Variants in TARS1 observed in about 807,000 individuals in gnomAD.
TARS1 encodes the protein threonine--tRNA ligase 1, cytoplasmic.
TARS1 carries 57 observed loss-of-function variants against 97.7 expected under a neutral mutation model. The ratio of observed to expected loss-of-function variants is 0.58; its 90% confidence interval spans 0.47 to 0.73. The LOEUF (loss-of-function observed/expected upper bound fraction) is 0.73, where lower values mean the gene tolerates loss of function less well. Among genes scored for constraint, TARS1 ranks in the 30% least tolerant of loss-of-function variants. The probability of loss-of-function intolerance (pLI) is 0.00; values close to 1 mark genes in which losing one functional copy is unlikely to be tolerated. For missense variants in TARS1, 806 were observed against 888.3 expected (o/e 0.91, Z 1.18); for synonymous variants, 312 against 293.7 (o/e 1.06, Z -0.64).
intron 4 of TARS1, 141 bp downstream of exon 4, chr5:33,453,553 C>A: frequency 2.6e-6 from 3 of 1,139,770 alleles, no homozygotes; most frequent in Non-Finnish European, 3.7e-6. Context: ...TTTTGTCCTT[C>A]ATTTAGGGAA....
intron 2 of TARS1, 75 bp downstream of exon 2, chr5:33,445,479 A>T (rs1741368446): frequency 7.9e-7 from 1 of 1,271,794 alleles, no homozygotes; most frequent in East Asian, 2.4e-5. Flanking sequence ...GACTTTCCTA[A>T]TGTGTAAGGG....
rs778164848 is a variant in TARS1 at position 33,456,236 on chromosome 5, T to C, written c.837+9T>C. ...CTTTAAAAATACACAAAGTAAGTAATGTAACTTTAAAGACTGTGAATGTAT... is the reference window on the plus strand; with the variant it reads ...CTTTAAAAATACACAAAGTAAGTAACGTAACTTTAAAGACTGTGAATGTAT... On this transcript the variant is annotated intron_variant, in intron 8 of 18. Transcript: ENST00000265112. 2.5e-6 allele frequency: 4 copies of C among 1,600,146 alleles called. No homozygotes were observed. In the East Asian group the frequency reaches 6.7e-5, roughly 27 times the overall value.
intron 5 of TARS1, 118 bp downstream of exon 5, chr5:33,455,184 T>C: frequency 7.6e-7 from 1 of 1,307,642 alleles, no homozygotes; most frequent in South Asian, 1.4e-5. Context: ...TCATCAGGTA[T>C]GCCCATTATC....
In TARS1 at chr5:33,467,773, G is replaced by A. The variant is rs1160427660; in HGVS notation, c.*65G>A. The A allele has an allele frequency of 6.5e-7, 1 of 1,534,284 alleles. No homozygotes were observed. The highest frequency in any genetic ancestry group is 1.4e-5 in the African/African-American group (1 of 71,690). On this transcript the variant is annotated 3_prime_UTR_variant, in exon 19 of 19. Coordinates refer to ENST00000265112, the MANE Select transcript of TARS1 (RefSeq NM_152295.5). ...ACAGCGTTTCCGTAAAATTGACTTT[G>A]TACTCTGAAAACGTCAATTTATATT...
rs902676458 is a variant in TARS1 at position 33,463,941 on chromosome 5, A to G, written c.1908+116A>G. 5 of 880,594 alleles carry G rather than the reference A, an allele frequency of 5.7e-6. No individual in the cohort carries two copies. The African/African-American group carries it at 8.4e-5, about 15-fold the overall frequency. 54.5% of individuals were successfully genotyped at this position (880,594 alleles called of 1,614,324 possible). ...TGTTGTGATAAAGAGAAATGTTACTATTTTTAATCTTTGTTAAGCCTGAAT... is the reference window on the plus strand; with the variant it reads ...TGTTGTGATAAAGAGAAATGTTACTGTTTTTAATCTTTGTTAAGCCTGAAT... On this transcript the variant is annotated intron_variant, in intron 17 of 18. Transcript: ENST00000265112.
chr5:33,457,014 G>A (rs550307686), intron 8 of TARS1, among the ~76,000 whole-genome samples: 2 of 152,178 alleles, frequency 1.3e-5, no homozygotes, highest in South Asian at 2.1e-4. Context: ...TCCCAGGCTG[G>A]TCTCGAACTC....
At chr5:33,456,969 T>C (rs1742046224) in intron 8 of TARS1, among the ~76,000 whole-genome samples, 1 of 152,034 alleles carries the variant, frequency 6.6e-6, no homozygotes, top group African/African-American at 2.4e-5. Flanking sequence ...GGTAATTTTC[T>C]TTTTTTTAAA....
rs142401360 is a variant in TARS1, at chr5:33,447,293, T to C, written c.139-1248T>C. Among the ~76,000 whole-genome samples the C allele has an allele frequency of 3.9e-3, 588 of 152,300 alleles. 16 individuals are homozygous for C. In the East Asian group the frequency reaches 0.056, roughly 15 times the overall value. ...ACAAGGTCTCACTCTGTTGCCCAGG[T>C]TGGAGTGCAGTGGCCCAATCTTGGC... is the stretch of plus-strand genomic sequence containing the variant. On this transcript the variant is annotated intron_variant, in intron 2 of 18. Coordinates refer to ENST00000265112, the MANE Select transcript of TARS1 (RefSeq NM_152295.5).
intron 14 of TARS1, 48 bp downstream of exon 14, chr5:33,461,792 A>C: frequency 6.2e-7 from 1 of 1,601,518 alleles, no homozygotes; most frequent in African/African-American, 1.3e-5. Flanking sequence ...CTTGTGGATG[A>C]AGAAGATACG....
chr5:33,448,441 C>A, intron 2 of TARS1, 100 bp from the exon 3 acceptor site: 1 of 1,026,550 alleles, frequency 9.7e-7, no homozygotes, highest in Non-Finnish European at 1.4e-6. Flanking sequence ...AATCAATAGT[C>A]CTGGGTTTCT....
chr5:33,441,239 C>T, intron 1 of TARS1, 96 bp downstream of exon 1: 3 of 1,472,142 alleles, frequency 2.0e-6, no homozygotes, highest in Non-Finnish European at 2.8e-6. Context: ...AAGCAGGAAG[C>T]GGCCGGGACC....
At chr5:33,460,030 T>A in intron 11 of TARS1, 169 bp downstream of exon 11, 11 of 379,208 alleles carry the variant, frequency 2.9e-5, no homozygotes, top group South Asian at 6.9e-5. Context: ...GATCCCCACT[T>A]TTTTTTTTTT....
chr5:33,450,263 A>G lies in TARS1; in HGVS notation c.329+1532A>G, dbSNP rs183976786. 3.3e-5 allele frequency among the ~76,000 whole-genome samples: 5 copies of G among 152,340 alleles called. No individual in the cohort carries two copies. In the East Asian group the frequency reaches 9.6e-4, roughly 29 times the overall value. On this transcript the variant is annotated intron_variant, in intron 3 of 18. Coordinates refer to ENST00000265112, the MANE Select transcript of TARS1 (RefSeq NM_152295.5). ...GAATTGAACCATTTGGAATCACCATATGAATTGTCATGTGGTTGATTATCA... is the reference window on the plus strand; with the variant it reads ...GAATTGAACCATTTGGAATCACCATGTGAATTGTCATGTGGTTGATTATCA...
At chr5:33,442,590 C>G (rs1400485030) in intron 1 of TARS1, among the ~76,000 whole-genome samples, 1 of 152,066 alleles carries the variant, frequency 6.6e-6, no homozygotes, top group African/African-American at 2.4e-5. Context: ...GGCTGGAGTG[C>G]CGTGGTGCGA....
At chr5:33,440,948 G>T (rs942493590), upstream of TARS1, 228 of 947,214 alleles carry the variant, frequency 2.4e-4, 1 homozygote, top group Non-Finnish European at 1.8e-4. Flanking sequence ...GTTGGGGGCG[G>T]GGTTAGGGCG....
At chr5:33,457,204 AGT>A in intron 8 of TARS1, 51 bp from the exon 9 acceptor site, 4 of 1,592,572 alleles carry the variant, frequency 2.5e-6, no homozygotes, top group Non-Finnish European at 3.4e-6. Flanking sequence ...AGTTAAAATA[AGT>A]GAGATGTTTA....
intron 3 of TARS1, 106 bp from the exon 4 acceptor site, chr5:33,453,183 T>C (rs573320172): frequency 3.1e-6 from 4 of 1,270,680 alleles, no homozygotes; most frequent in East Asian, 5.6e-5. Flanking sequence ...TACATCAATA[T>C]AAAAAAACAA....
chr5:33,462,045 T>C (rs1261207861), intron 15 of TARS1, 39 bp downstream of exon 15: 9 of 1,602,652 alleles, frequency 5.6e-6, no homozygotes, highest in Non-Finnish European at 6.8e-6. Context: ...TCTCCAGGGA[T>C]ATATAAGAGA....
At chr5:33,456,462 A>C (rs945555386) in intron 8 of TARS1, among the ~76,000 whole-genome samples, 10 of 152,220 alleles carry the variant, frequency 6.6e-5, no homozygotes, top group African/African-American at 2.4e-4. Flanking sequence ...ATTTTACAAA[A>C]TCATACAGCA....
Sources: allele counts gnomAD v4.1 joint callset (sites outside exome capture counted in the v4.1 genomes callset), GRCh38; gene constraint gnomAD v4.1.1; transcripts MANE v1.5; gene names NCBI Gene and HGNC (gene_info 2026-07-23, HGNC 2026-07-21).